The following SNX18 variants were observed in gnomAD, a reference collection of about 807,000 sequenced individuals.
The protein encoded by SNX18 is sorting nexin-18.
In SNX18, 35 loss-of-function variants were observed where a neutral mutation model predicts 48.7. The observed-to-expected ratio is 0.72, with a 90% CI of 0.55 to 0.95. The LOEUF is 0.95. SNX18 is among the 40% of genes least tolerant of loss of function. SNX18 has a pLI of 0.00. For synonymous variants in SNX18, 492 were observed against 384.7 expected, an observed-to-expected ratio of 1.28 and a Z score of -3.26; for missense variants, 824 against 871.0, an observed-to-expected ratio of 0.95 and a Z score of 0.68.
At chr5:54,551,230 G>A (rs374285644), downstream of SNX18, among the ~76,000 whole-genome samples, 15 of 152,272 alleles carry the variant, frequency 9.9e-5, no homozygotes, top group East Asian at 5.8e-4. Flanking sequence ...AATGTTCATT[G>A]TGTTACTTTG....
chr5:54,586,919 C>T, the SNX18 span, among the ~76,000 whole-genome samples: 5 of 151,808 alleles, frequency 3.3e-5, no homozygotes, highest in Admixed American at 3.3e-4. Flanking sequence ...CTCACAAATA[C>T]AGCAGAGGAA....
At chr5:54,525,255 T>G (rs2112841504) in intron 1 of SNX18, among the ~76,000 whole-genome samples, 1 of 152,080 alleles carries the variant, frequency 6.6e-6, no homozygotes, top group African/African-American at 2.4e-5. Flanking sequence ...TAAAAGGAGA[T>G]GACAACCAGG....
chr5:54,552,094 C>T, the SNX18 span, among the ~76,000 whole-genome samples: 1,030 of 152,294 alleles, frequency 6.8e-3, 11 homozygotes, highest in Non-Finnish European at 0.012. Context: ...GGCTTTGTTC[C>T]GCTGTGGGTG....
At chr5:54,594,100 T>C in the SNX18 span, among the ~76,000 whole-genome samples, 1 of 152,020 alleles carries the variant, frequency 6.6e-6, no homozygotes, top group Non-Finnish European at 1.5e-5. Context: ...TACCAAGGAA[T>C]AAACTGCTGA....
At chr5:54,639,220 T>C in the SNX18 span, among the ~76,000 whole-genome samples, 1 of 152,184 alleles carries the variant, frequency 6.6e-6, no homozygotes, top group Non-Finnish European at 1.5e-5. Context: ...GAACTTATAG[T>C]TTATAACCAG....
chr5:54,603,812 G>A, the SNX18 span, among the ~76,000 whole-genome samples: 13 of 152,116 alleles, frequency 8.5e-5, no homozygotes, highest in Admixed American at 4.6e-4. Flanking sequence ...CTACAACAAA[G>A]AATGGATATT....
chr5:54,647,164 A>C, the SNX18 span, among the ~76,000 whole-genome samples: 1 of 152,398 alleles, frequency 6.6e-6, no homozygotes, highest in South Asian at 2.1e-4. Context: ...GTTCTGAATT[A>C]GACCATCATT....
chr5:54,569,493 C>T, the SNX18 span, among the ~76,000 whole-genome samples: 1 of 152,086 alleles, frequency 6.6e-6, no homozygotes, highest in Non-Finnish European at 1.5e-5. Context: ...TTTCCTTTGC[C>T]CCACGAAGTC....
Position 54,517,918 on chromosome 5 carries a change from CGG to C in SNX18, c.-33_-32del, listed in dbSNP as rs1199640447. 1.5e-5 allele frequency: 22 copies of C among 1,479,362 alleles called. No homozygotes were observed. The highest frequency in any genetic ancestry group is 2.0e-5 in the Non-Finnish European group (22 of 1,120,538). The allele number at this position is 1,479,362 out of a possible 1,614,324, so 91.6% of individuals were successfully genotyped here. ...TCAGGTGGGCCTCGGCTCGGGACGCCGGGAGTCGGGACCGCCAGTCGGGGCGC... is the reference window on the plus strand; with the variant it reads ...TCAGGTGGGCCTCGGCTCGGGACGCCGAGTCGGGACCGCCAGTCGGGGCGC... On this transcript the variant is annotated 5_prime_UTR_variant, in exon 1 of 2. Transcript: ENST00000381410.
the SNX18 span, among the ~76,000 whole-genome samples, chr5:54,585,800 G>A: frequency 3.4e-4 from 51 of 151,880 alleles, no homozygotes; most frequent in Non-Finnish European, 4.9e-4. Context: ...TCAGGAGATC[G>A]AGACCATCCT....
the SNX18 span, among the ~76,000 whole-genome samples, chr5:54,583,501 G>A: frequency 3.3e-5 from 5 of 152,170 alleles, no homozygotes; most frequent in East Asian, 1.9e-4. Context: ...TGACAGCCAC[G>A]AGTGGCAGTG....
the SNX18 span, among the ~76,000 whole-genome samples, chr5:54,646,332 T>C: frequency 6.6e-6 from 1 of 152,226 alleles, no homozygotes; most frequent in Non-Finnish European, 1.5e-5. Context: ...TCCTCTTCTT[T>C]GAAACAGACC....
At chr5:54,647,336 C>T in the SNX18 span, among the ~76,000 whole-genome samples, 1 of 152,192 alleles carries the variant, frequency 6.6e-6, no homozygotes, top group Non-Finnish European at 1.5e-5. Context: ...TCCGCCTTGG[C>T]CTCCCAAAGT....
Position 54,518,948 on chromosome 5 carries a change from G to T in SNX18, c.996G>T (p.Val332=). ...RLAEKFPVIS[V]PHLPEKQATG... is the part of the protein sequence containing the mutation. ...CGGAGAAGTTCCCGGTCATCTCCGT[G>T]CCCCACCTGCCCGAGAAGCAGGCCA... Residue 332 remains valine, a synonymous_variant, in exon 1 of 2, where the codon GTG becomes GTT. Coordinates refer to ENST00000381410, the MANE Select transcript of SNX18 (RefSeq NM_001102575.2). 1.9e-6 allele frequency: 3 copies of T among 1,613,718 alleles called. No individual in the cohort carries two copies. The highest frequency in any genetic ancestry group is 1.3e-5 in the African/African-American group (1 of 75,064).
rs1401058753 is a variant in SNX18 at position 54,518,669 on chromosome 5, C to T, written c.717C>T (p.Gly239=). 6 of 1,561,414 alleles carry T rather than the reference C, an allele frequency of 3.8e-6. No individual in the cohort carries two copies. The highest frequency in any genetic ancestry group is 4.3e-6 in the Non-Finnish European group (5 of 1,154,682). The part of the protein sequence containing the change: ...LNRFSTFVKS[G]GEAFVLGEAS... Reference sequence around the variant, plus strand: ...GCTTCTCCACCTTCGTCAAGTCCGGCGGGGAGGCCTTCGTGCTGGGGGAGG... The same window carrying T: ...GCTTCTCCACCTTCGTCAAGTCCGGTGGGGAGGCCTTCGTGCTGGGGGAGG... The change falls in exon 1 of 2, where the codon GGC becomes GGT. Residue 239 remains glycine (G), a synonymous_variant. Transcript: ENST00000381410.
At chr5:54,531,155 A>G (rs1020105441) in intron 1 of SNX18, among the ~76,000 whole-genome samples, 3 of 152,082 alleles carry the variant, frequency 2.0e-5, no homozygotes, top group South Asian at 2.1e-4. Context: ...TTGGTTGGGC[A>G]GAGATGAGGA....
At chr5:54,531,057 C>T (rs1467752448) in intron 1 of SNX18, among the ~76,000 whole-genome samples, 1 of 152,000 alleles carries the variant, frequency 6.6e-6, no homozygotes, top group East Asian at 1.9e-4. Flanking sequence ...CCATCCAAAC[C>T]ACAGAAATTT....
chr5:54,551,290 T>C (rs1374457901), downstream of SNX18, among the ~76,000 whole-genome samples: 7 of 152,208 alleles, frequency 4.6e-5, no homozygotes, highest in Non-Finnish European at 8.8e-5. Flanking sequence ...ATGTGTAATG[T>C]AGGCAGTAAA....
At chr5:54,548,353 G>A (rs1035938978), downstream of SNX18, among the ~76,000 whole-genome samples, 4 of 152,234 alleles carry the variant, frequency 2.6e-5, no homozygotes, top group Non-Finnish European at 5.9e-5. Flanking sequence ...TAAGTCTGAA[G>A]TGGCCAGATG....
Sources: gnomAD v4.1 joint callset for allele counts (sites outside exome capture counted in the v4.1 genomes callset) on GRCh38, gnomAD v4.1.1 for gene constraint, MANE v1.5 for transcripts, NCBI Gene and HGNC (gene_info 2026-07-23, HGNC 2026-07-21) for gene names.